Variants in MAML3 observed in about 807,000 individuals in gnomAD.
MAML3 encodes mastermind like transcriptional coactivator 3.
In MAML3, 27 loss-of-function variants were observed where a neutral mutation model predicts 101.9. The ratio of observed to expected loss-of-function variants is 0.27; its 90% CI spans 0.20 to 0.37. The LOEUF (loss-of-function observed/expected upper bound fraction) is 0.37. Ranked by LOEUF, MAML3 falls within the 10% of genes least tolerant of loss-of-function variation. MAML3 has a pLI of 1.00. For missense variants in MAML3, 1,316 were observed against 1,444.9 expected (o/e 0.91, Z 1.45); for synonymous variants, 501 against 555.9 (o/e 0.90, Z 1.39).
intron 1 of MAML3, among the ~76,000 whole-genome samples, chr4:139,928,439 G>A (rs777861705): frequency 1.3e-5 from 2 of 152,302 alleles, no homozygotes; most frequent in East Asian, 3.9e-4. Context: ...AGAGAGTAAG[G>A]ACTGTTTGGA....
intron 1 of MAML3, among the ~76,000 whole-genome samples, chr4:139,959,678 A>T (rs1733975795): frequency 6.6e-6 from 1 of 152,178 alleles, no homozygotes; most frequent in Non-Finnish European, 1.5e-5. Context: ...TAATCTGGGA[A>T]AACATTGACG....
At chr4:140,134,118 C>T (rs890169446) in intron 1 of MAML3, 1 of 456,688 alleles carries the variant, frequency 2.2e-6, no homozygotes, top group Non-Finnish European at 4.4e-6. Flanking sequence ...GTGCTCAGGG[C>T]AAGAAGAGTC....
At chr4:139,893,533 C>T (rs1732545707) in intron 1 of MAML3, among the ~76,000 whole-genome samples, 1 of 152,074 alleles carries the variant, frequency 6.6e-6, no homozygotes, top group South Asian at 2.1e-4. Context: ...AGGTTCATGG[C>T]AGGGGTTAAT....
intron 2 of MAML3, among the ~76,000 whole-genome samples, chr4:139,843,426 C>G (rs1731395546): frequency 6.6e-6 from 1 of 152,182 alleles, no homozygotes; most frequent in African/African-American, 2.4e-5. Flanking sequence ...AGTCCCAATA[C>G]AGGGAATTAG....
chr4:139,867,903 G>A (rs1731930435), intron 2 of MAML3, among the ~76,000 whole-genome samples: 1 of 152,196 alleles, frequency 6.6e-6, no homozygotes, highest in African/African-American at 2.4e-5. Flanking sequence ...TGGCTGCCCC[G>A]GGACTCTTAA....
At chr4:139,883,850 A>T (rs887519820) in intron 2 of MAML3, among the ~76,000 whole-genome samples, 2 of 143,388 alleles carry the variant, frequency 1.4e-5, no homozygotes. Context: ...AAGGGGTTCC[A>T]GGTTCTTAAA....
intron 1 of MAML3, among the ~76,000 whole-genome samples, chr4:140,055,316 C>G (rs1292470108): frequency 6.6e-6 from 1 of 152,156 alleles, no homozygotes; most frequent in African/African-American, 2.4e-5. Context: ...TTGTTTTAAG[C>G]AGGCTTGGTA....
chr4:139,958,591 G>T (rs900577445), intron 1 of MAML3, among the ~76,000 whole-genome samples: 1 of 152,178 alleles, frequency 6.6e-6, no homozygotes, highest in African/African-American at 2.4e-5. Flanking sequence ...ATTGAAGCAG[G>T]ACATTAGTGA....
chr4:139,875,376 T>C (rs1668116732), intron 2 of MAML3, among the ~76,000 whole-genome samples: 1 of 152,128 alleles, frequency 6.6e-6, no homozygotes, highest in Non-Finnish European at 1.5e-5. Flanking sequence ...TGCTTTGCAG[T>C]GTTTTGGGGA....
intron 2 of MAML3, 89 bp downstream of exon 2, chr4:139,889,268 C>A (rs1210040809): frequency 9.3e-6 from 15 of 1,610,294 alleles, no homozygotes; most frequent in Non-Finnish European, 1.3e-5. Flanking sequence ...TTAGACCCCA[C>A]TACAGTGGAA....
intron 2 of MAML3, among the ~76,000 whole-genome samples, chr4:139,768,564 C>T (rs759480752): frequency 3.9e-4 from 60 of 152,280 alleles, no homozygotes; most frequent in Non-Finnish European, 7.6e-4. Flanking sequence ...GTTGTAAATA[C>T]CTCCTTATGA....
chr4:139,868,858 C>T (rs1444893257), intron 2 of MAML3, among the ~76,000 whole-genome samples: 16 of 152,170 alleles, frequency 1.1e-4, no homozygotes, highest in Admixed American at 7.2e-4. Context: ...TCCTTCTCCA[C>T]GAGTGATAGC....
intron 1 of MAML3, among the ~76,000 whole-genome samples, chr4:139,914,002 A>G (rs1024375641): frequency 1.3e-5 from 2 of 152,074 alleles, no homozygotes; most frequent in Non-Finnish European, 2.9e-5. Context: ...ACTACATTAA[A>G]ATTTTTTTTT....
chr4:139,819,908 C>T (rs113452045), intron 2 of MAML3, among the ~76,000 whole-genome samples: 1,556 of 152,228 alleles, frequency 0.01, 10 homozygotes, highest in African/African-American at 0.021. Flanking sequence ...AATTTTCTTC[C>T]GCTCTGATTC....
rs1484160288 is a variant in MAML3, at chr4:139,801,662, GTGTGTGTGTGTGTGTGTGTC to G, written c.2080-71015_2080-70996del. 7.1e-4 allele frequency among the ~76,000 whole-genome samples: 12 copies of G among 17,002 alleles called. No homozygotes were observed. In the South Asian group the frequency reaches 0.023, roughly 32 times the overall value. The allele number at this position is 17,002 out of a possible 152,430, so 11.2% of individuals were successfully genotyped here. ...TGTGTGGGTGTGTGTGTGTGTGTGT[GTGTGTGTGTGTGTGTGTGTC>G]TGTGTGTGTGTGTCTGTCTGTGTGG... On this transcript the variant is annotated intron_variant, in intron 2 of 4. Transcript: ENST00000509479.
At chr4:140,140,648 T>TTAAA (rs1345564854) in intron 1 of MAML3, among the ~76,000 whole-genome samples, 1 of 152,214 alleles carries the variant, frequency 6.6e-6, no homozygotes, top group Non-Finnish European at 1.5e-5. Context: ...TGAAGCATAA[T>TTAAA]ACTTAGTTTA....
At chr4:139,990,726 C>A (rs1198047404) in intron 1 of MAML3, among the ~76,000 whole-genome samples, 5 of 151,954 alleles carry the variant, frequency 3.3e-5, no homozygotes, top group South Asian at 4.1e-4. Flanking sequence ...AATCAATGTA[C>A]AAAAATCACA....
At chr4:139,817,787 C>T (rs1201680537) in intron 2 of MAML3, among the ~76,000 whole-genome samples, 1 of 152,216 alleles carries the variant, frequency 6.6e-6, no homozygotes, top group East Asian at 1.9e-4. Flanking sequence ...GCCATCTGAC[C>T]AGTATGTCTT....
chr4:140,110,346 G>C (rs898219858), intron 1 of MAML3, among the ~76,000 whole-genome samples: 1 of 152,204 alleles, frequency 6.6e-6, no homozygotes, highest in Non-Finnish European at 1.5e-5. Flanking sequence ...TGGAAAGGGG[G>C]AAACGGCAGA....
Sources: gnomAD v4.1 joint callset for allele counts (sites outside exome capture counted in the v4.1 genomes callset) on GRCh38, gnomAD v4.1.1 for gene constraint, MANE v1.5 for transcripts, NCBI Gene and HGNC (gene_info 2026-07-23, HGNC 2026-07-21) for gene names.